SLC4A4: variants seen among roughly 807,000 people sequenced by gnomAD.
SLC4A4 encodes the protein solute carrier family 4 member 4.
SLC4A4 carries 27 observed loss-of-function variants against 111.5 expected under a neutral mutation model. The ratio of observed to expected loss-of-function variants is 0.24; its 90% confidence interval spans 0.18 to 0.33. The LOEUF (loss-of-function observed/expected upper bound fraction) is 0.33, where lower values mean the gene tolerates loss of function less well. Ranked by LOEUF, SLC4A4 falls within the 10% of genes least tolerant of loss-of-function variation. The pLI, the probability that SLC4A4 is intolerant of heterozygous loss-of-function variation, is 1.00. For missense variants in SLC4A4, 909 were observed against 1,315.5 expected (o/e 0.69, Z 4.78); for synonymous variants, 443 against 463.4 (o/e 0.96, Z 0.57).
rs1425227818 is a variant in SLC4A4, at chr4:71,568,067, TC to T, written c.*318del. ...CACAATCAAGACAATAGTGCACCGT[TC>T]CTTAAAAACAGCATCTGAGGAATCC... On this transcript the variant is annotated 3_prime_UTR_variant, in exon 26 of 26. Transcript: ENST00000264485. 1 of 522,924 alleles carries T rather than the reference TC, an allele frequency of 1.9e-6. No homozygotes were observed. Among genetic ancestry groups the T allele is most frequent in the African/African-American group, 2.0e-5 (1 of 49,718 alleles). 32.4% of individuals were successfully genotyped at this position (522,924 alleles called of 1,614,324 possible).
chr4:71,093,435 G>T (rs2363443), intron 2 of SLC4A4, among the ~76,000 whole-genome samples: 152,346 of 152,354 alleles, frequency 1, 76,169 homozygotes, highest in Non-Finnish European at 1. Context: ...CTCAAAGTGC[G>T]GGGATTACAG....
At chr4:71,451,420 G>T in intron 11 of SLC4A4, 119 bp downstream of exon 11, 5 of 741,046 alleles carry the variant, frequency 6.7e-6, no homozygotes, top group Non-Finnish European at 1.2e-5. Flanking sequence ...AATATTTATG[G>T]TATACCTATT....
intron 14 of SLC4A4, among the ~76,000 whole-genome samples, chr4:71,478,506 G>T (rs1728573201): frequency 6.6e-6 from 1 of 150,884 alleles, no homozygotes. Context: ...ACTAACATAG[G>T]AACAGAAAAC....
intron 3 of SLC4A4, among the ~76,000 whole-genome samples, chr4:71,304,492 A>G (rs899941646): frequency 2.0e-5 from 3 of 152,220 alleles, no homozygotes; most frequent in Admixed American, 1.3e-4. Flanking sequence ...GTCCAAGCAC[A>G]TTGGTTGGGC....
At chr4:71,447,822 A>G in intron 9 of SLC4A4, 89 bp downstream of exon 9, 1 of 853,654 alleles carries the variant, frequency 1.2e-6, no homozygotes, top group Admixed American at 1.9e-5. Context: ...TTCAATTAGA[A>G]TTATGTGGTT....
chr4:71,539,113 G>T (rs1365439422), intron 18 of SLC4A4, among the ~76,000 whole-genome samples: 1 of 151,944 alleles, frequency 6.6e-6, no homozygotes, highest in Non-Finnish European at 1.5e-5. Flanking sequence ...TAATTTGAGG[G>T]TGTTCTTTTT....
In SLC4A4 at chr4:71,449,207, C is replaced by T. The variant is rs115984466; in HGVS notation, c.1054-1182C>T. Among the ~76,000 whole-genome samples the T allele has an allele frequency of 6.2e-3, 936 of 152,170 alleles. 9 individuals carry two copies. Among genetic ancestry groups the T allele is most frequent in the African/African-American group, 0.021 (888 of 41,486 alleles). Reference sequence around the variant, plus strand: ...TTCTTTTCCTGTCAGTATGGTAAAACGACATTGCCTACCATCAGCTCCAGT... The same window carrying T: ...TTCTTTTCCTGTCAGTATGGTAAAATGACATTGCCTACCATCAGCTCCAGT... On this transcript the variant is annotated intron_variant, in intron 9 of 25. Transcript: ENST00000264485.
intron 3 of SLC4A4, among the ~76,000 whole-genome samples, chr4:71,335,026 G>C (rs953028817): frequency 2.0e-5 from 3 of 152,060 alleles, no homozygotes; most frequent in Non-Finnish European, 2.9e-5. Flanking sequence ...TATGGAGTAC[G>C]TATGGACACA....
intron 16 of SLC4A4, among the ~76,000 whole-genome samples, chr4:71,517,384 G>A (rs1732505494): frequency 6.6e-6 from 1 of 150,510 alleles, no homozygotes; most frequent in Non-Finnish European, 1.5e-5. Context: ...GCTCTTTATT[G>A]CATTTCTTAA....
intron 18 of SLC4A4, among the ~76,000 whole-genome samples, chr4:71,538,818 T>C (rs988100141): frequency 9.2e-5 from 14 of 152,002 alleles, no homozygotes; most frequent in Non-Finnish European, 1.6e-4. Flanking sequence ...GACCATTATT[T>C]TGGTTGTTTA....
chr4:71,258,397 C>A (rs1007422974), intron 3 of SLC4A4, among the ~76,000 whole-genome samples: 3 of 152,160 alleles, frequency 2.0e-5, no homozygotes, highest in African/African-American at 7.2e-5. Context: ...TTTCCCAACG[C>A]CTTATGTTTC....
At chr4:71,309,713 T>C (rs1190372487) in intron 3 of SLC4A4, among the ~76,000 whole-genome samples, 1 of 152,026 alleles carries the variant, frequency 6.6e-6, no homozygotes, top group Non-Finnish European at 1.5e-5. Context: ...GATAAATCCA[T>C]GAAGATGAGG....
intron 1 of SLC4A4, among the ~76,000 whole-genome samples, chr4:71,089,418 A>C (rs1339164472): frequency 2.0e-5 from 3 of 152,042 alleles, no homozygotes; most frequent in African/African-American, 4.8e-5. Context: ...TTCTCTGTCC[A>C]GCTTTGTTCC....
intron 7 of SLC4A4, among the ~76,000 whole-genome samples, chr4:71,404,384 C>G (rs555434113): frequency 6.6e-6 from 1 of 152,324 alleles, no homozygotes; most frequent in South Asian, 2.1e-4. Context: ...CACATTCTTA[C>G]CTGTTCCTAT....
chr4:71,210,832 G>C (rs567018459), intron 1 of SLC4A4, among the ~76,000 whole-genome samples: 70 of 152,304 alleles, frequency 4.6e-4, no homozygotes, highest in African/African-American at 1.6e-3. Flanking sequence ...TATGTCATCA[G>C]TCTCTAGCAT....
chr4:71,140,245 C>A (rs1743958656), intron 2 of SLC4A4, among the ~76,000 whole-genome samples: 1 of 152,066 alleles, frequency 6.6e-6, no homozygotes, highest in Non-Finnish European at 1.5e-5. Flanking sequence ...CATGGTGAAA[C>A]CCTGACGCTA....
At position 71,253,383 on chromosome 4, in the gene SLC4A4, A is replaced by G. The variant is rs1368389582; in HGVS notation, c.74-1837A>G. On this transcript the variant is annotated intron_variant, in intron 2 of 25. Transcript: ENST00000264485. ...ATAATTTAAAAAACCTTTCTATATA[A>G]CATCATATGGCAATATAGCTTAATT... Among the ~76,000 whole-genome samples, 82 of 152,206 alleles carry G rather than the reference A, an allele frequency of 5.4e-4. 2 individuals carry two copies. The highest frequency in any genetic ancestry group is 4.4e-5 in the Non-Finnish European group (3 of 68,034).
At chr4:71,117,083 C>T (rs970103094) in intron 2 of SLC4A4, among the ~76,000 whole-genome samples, 2 of 152,134 alleles carry the variant, frequency 1.3e-5, no homozygotes, top group Non-Finnish European at 2.9e-5. Context: ...CCCAAGTGAT[C>T]CTTTCACCTC....
chr4:71,342,647 A>G (rs1430701806), intron 4 of SLC4A4, among the ~76,000 whole-genome samples: 1 of 152,166 alleles, frequency 6.6e-6, no homozygotes, highest in Non-Finnish European at 1.5e-5. Context: ...ATCATAGAGT[A>G]TAATTCAGGT....
Sources: gnomAD v4.1 joint callset for allele counts (sites outside exome capture counted in the v4.1 genomes callset) on GRCh38, gnomAD v4.1.1 for gene constraint, MANE v1.5 for transcripts, NCBI Gene and HGNC (gene_info 2026-07-23, HGNC 2026-07-21) for gene names.